CDH13: variants seen among roughly 807,000 people sequenced by gnomAD.
CDH13 encodes the protein cadherin 13.
Under a neutral mutation model 63.8 loss-of-function variants are expected in CDH13, and 24 were observed. The ratio of observed to expected loss-of-function variants is 0.38; its 90% CI spans 0.27 to 0.53. The LOEUF is 0.53. Among genes scored for constraint, CDH13 ranks in the 20% least tolerant of loss-of-function variants. The pLI is 0.85. For synonymous variants in CDH13, 503 were observed against 355.3 expected (o/e 1.42, Z -4.67); for missense variants, 1,049 against 903.1 (o/e 1.16, Z -2.07).
intron 2 of CDH13, chr16:83,022,977 T>C (rs556634466): frequency 1.3e-5 from 2 of 152,358 alleles, no homozygotes; most frequent in African/African-American, 2.4e-5. Flanking sequence ...TCTGGGATCA[T>C]AACAGAGCTT....
chr16:82,825,233 G>C (rs1470040732), intron 1 of CDH13: 1 of 152,156 alleles, frequency 6.6e-6, no homozygotes, highest in East Asian at 1.9e-4. Flanking sequence ...TAAGAAAATG[G>C]TCAGACAGCG....
At chr16:82,768,120 A>C (rs1206427473) in intron 1 of CDH13, among the ~76,000 whole-genome samples, 2 of 152,206 alleles carry the variant, frequency 1.3e-5, no homozygotes, top group Non-Finnish European at 2.9e-5. Context: ...CCTAAACATG[A>C]AGTCATGAGA....
intron 7 of CDH13, among the ~76,000 whole-genome samples, chr16:83,499,824 C>T (rs951625782): frequency 7.3e-5 from 11 of 150,708 alleles, no homozygotes; most frequent in South Asian, 4.2e-4. Context: ...TTTTTTGAGA[C>T]GAAGTCTCGC....
rs71148812 is a variant in CDH13 at position 83,102,930 on chromosome 16, C to CTTTTTTTTTTTTCTTTTTCT, written c.367-22444_367-22443insTCTTTTTCTTTTTTTTTTTT. Among the ~76,000 whole-genome samples, 63 of 96,912 alleles carry CTTTTTTTTTTTTCTTTTTCT rather than the reference C, an allele frequency of 6.5e-4. 1 individual carries two copies. Among genetic ancestry groups the CTTTTTTTTTTTTCTTTTTCT allele is most frequent in the African/African-American group, 2.7e-3 (59 of 21,646 alleles). The allele number at this position is 96,912 out of a possible 152,430, so 63.6% of individuals were successfully genotyped here. A position where few individuals can be genotyped will look rare whatever the true frequency, so the allele number is the denominator to read the frequency against. ...AACTTTCTTTTTTTTTTTTCTTTTT[C>CTTTTTTTTTTTTCTTTTTCT]TTTTTTTTTTTCTTTTTCTTTTTTT... On this transcript the variant is annotated intron_variant, in intron 3 of 13. Transcript: ENST00000567109.
intron 3 of CDH13, among the ~76,000 whole-genome samples, chr16:83,123,694 C>T (rs537653461): frequency 6.6e-6 from 1 of 152,164 alleles, no homozygotes; most frequent in Admixed American, 6.5e-5. Context: ...TTTGATATAA[C>T]GATTCCTTTT....
At chr16:83,430,215 A>T (rs2072053761) in intron 6 of CDH13, among the ~76,000 whole-genome samples, 1 of 152,230 alleles carries the variant, frequency 6.6e-6, no homozygotes, top group Non-Finnish European at 1.5e-5. Flanking sequence ...ATGTGGAACC[A>T]GCCTAAGTGT....
rs541513513 is a variant in CDH13, at chr16:83,097,053, C to G, written c.367-28332C>G. 1.5e-4 allele frequency among the ~76,000 whole-genome samples: 23 copies of G among 152,316 alleles called. No individual in the cohort carries two copies. The South Asian group carries it at 4.4e-3, about 29-fold the overall frequency. ...TAGAGACTCAAAGCAATACCACTCT[C>G]CCTTGTCACTTTTCTCTGTGTACTG... On this transcript the variant is annotated intron_variant, in intron 3 of 13. Coordinates refer to ENST00000567109, the MANE Select transcript of CDH13 (RefSeq NM_001257.5).
At chr16:82,638,308 C>T (rs895751828) in intron 1 of CDH13, among the ~76,000 whole-genome samples, 23 of 152,182 alleles carry the variant, frequency 1.5e-4, no homozygotes, top group African/African-American at 5.3e-4. Flanking sequence ...GACTGCTGAG[C>T]AGACCTCCTA....
In CDH13 at chr16:83,629,752, G is replaced by A. The variant is rs181503766; in HGVS notation, c.1101+27158G>A. 7.9e-4 allele frequency among the ~76,000 whole-genome samples: 121 copies of A among 152,222 alleles called. 1 individual carries two copies. In the East Asian group the frequency reaches 0.017, roughly 21 times the overall value. On this transcript the variant is annotated intron_variant, in intron 8 of 13. Transcript: ENST00000567109. ...CACAATTTAAATCCCATCTCTTCAAGACTATTCAATGAGAGCAAGGCAGTG... is the reference window on the plus strand; with the variant it reads ...CACAATTTAAATCCCATCTCTTCAAAACTATTCAATGAGAGCAAGGCAGTG...
At chr16:83,421,375 T>C (rs1247780170) in intron 6 of CDH13, among the ~76,000 whole-genome samples, 1 of 152,180 alleles carries the variant, frequency 6.6e-6, no homozygotes, top group East Asian at 1.9e-4. Flanking sequence ...GTTAAGAGTG[T>C]TTCAGCAGTG....
chr16:83,372,451 C>G lies in CDH13; in HGVS notation c.781+27445C>G, dbSNP rs79383517. ...ATGCTGAGTTTTTCATGGGCCAGGT[C>G]TACTCTATTCTTAGAGAAAGGGTCG... On this transcript the variant is annotated intron_variant, in intron 6 of 13. Coordinates refer to ENST00000567109, the MANE Select transcript of CDH13 (RefSeq NM_001257.5). Among the ~76,000 whole-genome samples, 1,356 of 152,122 alleles carry G rather than the reference C, an allele frequency of 8.9e-3. 20 individuals carry two copies. Among genetic ancestry groups the G allele is most frequent in the African/African-American group, 0.032 (1,307 of 41,474 alleles).
chr16:83,360,660 C>G (rs1450989336), intron 6 of CDH13, among the ~76,000 whole-genome samples: 1 of 152,122 alleles, frequency 6.6e-6, no homozygotes, highest in African/African-American at 2.4e-5. Context: ...ATTTTTATGT[C>G]TAAGAGTTCC....
In CDH13 at chr16:83,664,554, G is replaced by GTATA. The variant is rs72075419; in HGVS notation, c.1102-6223_1102-6220dup. Among the ~76,000 whole-genome samples the GTATA allele has an allele frequency of 6.0e-3, 881 of 147,978 alleles. 4 individuals carry two copies. The highest frequency in any genetic ancestry group is 0.016 in the South Asian group (73 of 4,686). ...ATTATATTTCATATTATATATGTGT[G>GTATA]TATATATATATATATAGTGCACACA... On this transcript the variant is annotated intron_variant, in intron 8 of 13. Coordinates refer to ENST00000567109, the MANE Select transcript of CDH13 (RefSeq NM_001257.5).
chr16:82,781,512 C>G (rs191049806), intron 1 of CDH13, among the ~76,000 whole-genome samples: 16 of 152,222 alleles, frequency 1.1e-4, no homozygotes, highest in Admixed American at 9.2e-4. Context: ...TGTCCACCCA[C>G]TCACCCATCT....
chr16:82,731,119 T>C (rs2318191), intron 1 of CDH13, among the ~76,000 whole-genome samples: 148,737 of 152,284 alleles, frequency 0.98, 72,728 homozygotes, highest in East Asian at 1. Flanking sequence ...AGTATTTATA[T>C]GACAGGAACT....
chr16:82,926,946 G>A (rs2042322781), intron 2 of CDH13, among the ~76,000 whole-genome samples: 1 of 152,146 alleles, frequency 6.6e-6, no homozygotes, highest in South Asian at 2.1e-4. Flanking sequence ...ACTCACAAAT[G>A]TGTCATTTGT....
At chr16:82,649,314 G>A (rs564827665) in intron 1 of CDH13, among the ~76,000 whole-genome samples, 2 of 152,144 alleles carry the variant, frequency 1.3e-5, no homozygotes, top group African/African-American at 4.8e-5. Flanking sequence ...ATGCATAGAT[G>A]GAGGATGGAT....
At chr16:83,438,031 C>T (rs956240570) in intron 6 of CDH13, among the ~76,000 whole-genome samples, 1 of 152,128 alleles carries the variant, frequency 6.6e-6, no homozygotes, top group African/African-American at 2.4e-5. Flanking sequence ...CCTCACCGGT[C>T]TCCCTACTCT....
intron 4 of CDH13, among the ~76,000 whole-genome samples, chr16:83,149,730 A>T (rs2036894153): frequency 6.6e-6 from 1 of 152,204 alleles, no homozygotes; most frequent in South Asian, 2.1e-4. Flanking sequence ...ACATCAAAGC[A>T]TTGGAAGCAC....
Sources: gnomAD v4.1 joint callset for allele counts (sites outside exome capture counted in the v4.1 genomes callset) on GRCh38, gnomAD v4.1.1 for gene constraint, MANE v1.5 for transcripts, NCBI Gene and HGNC (gene_info 2026-07-23, HGNC 2026-07-21) for gene names.